DLGAP1: variants seen among roughly 807,000 people sequenced by gnomAD.
DLGAP1 encodes the protein disks large-associated protein 1.
A neutral mutation model predicts 90.8 loss-of-function variants in DLGAP1; 11 were observed. The ratio of observed to expected loss-of-function variants is 0.12; its 90% CI spans 0.08 to 0.20. The LOEUF (loss-of-function observed/expected upper bound fraction) is 0.20, where lower values mean the gene tolerates loss of function less well. Ranked by LOEUF, DLGAP1 falls within the 10% of genes least tolerant of loss-of-function variation. The pLI is 1.00. For missense variants in DLGAP1, 1,050 were observed against 1,333.8 expected (o/e 0.79, Z 3.31); for synonymous variants, 558 against 540.7 (o/e 1.03, Z -0.44).
At chr18:3,818,538 C>T (rs558927678) in intron 4 of DLGAP1, among the ~76,000 whole-genome samples, 13 of 151,304 alleles carry the variant, frequency 8.6e-5, no homozygotes, top group African/African-American at 3.2e-4. Flanking sequence ...TTTTGTATTG[C>T]TAGTAGAGAC....
chr18:4,092,890 C>T (rs1280612310), intron 2 of DLGAP1, among the ~76,000 whole-genome samples: 12 of 152,208 alleles, frequency 7.9e-5, no homozygotes, highest in Admixed American at 7.2e-4. Context: ...CTAGCCTACA[C>T]TTGGCCTTTA....
intron 1 of DLGAP1, among the ~76,000 whole-genome samples, chr18:4,451,130 C>T (rs280984): frequency 0.32 from 48,895 of 152,028 alleles, 8,343 homozygotes; most frequent in South Asian, 0.42. Flanking sequence ...CTGTTTCTCA[C>T]TTATACAACA....
chr18:3,538,649 G>A (rs2052519090), intron 9 of DLGAP1, among the ~76,000 whole-genome samples: 1 of 152,186 alleles, frequency 6.6e-6, no homozygotes, highest in Admixed American at 6.5e-5. Flanking sequence ...CATTTTGGCT[G>A]TTCTGCTAAC....
rs547668273 is a variant in DLGAP1, at chr18:3,723,567, G to T, written c.1591+5568C>A. Among the ~76,000 whole-genome samples, 3 of 152,166 alleles carry T rather than the reference G, an allele frequency of 2.0e-5. No homozygotes were observed. The East Asian group carries it at 5.8e-4, about 29-fold the overall frequency. On this transcript the variant is annotated intron_variant, in intron 7 of 12. Transcript: ENST00000315677. ...GCTTAGGGTTTAGGGTTTGTGTGGG[G>T]GGGGAGTGGGGAGCAAGGTGTGTGG... is the stretch of plus-strand genomic sequence containing the variant.
At chr18:3,536,858 C>T (rs1325019260) in intron 9 of DLGAP1, among the ~76,000 whole-genome samples, 2 of 152,038 alleles carry the variant, frequency 1.3e-5, no homozygotes, top group East Asian at 1.9e-4. Flanking sequence ...AGGGGAGAGA[C>T]ACGAGGAGAG....
chr18:4,291,626 T>C (rs1003055015), intron 1 of DLGAP1, among the ~76,000 whole-genome samples: 3 of 152,128 alleles, frequency 2.0e-5, no homozygotes, highest in African/African-American at 7.2e-5. Context: ...GTAGGTCTCA[T>C]TTATGACAAT....
At chr18:4,433,224 G>A (rs1276529020) in intron 1 of DLGAP1, among the ~76,000 whole-genome samples, 1 of 152,200 alleles carries the variant, frequency 6.6e-6, no homozygotes, top group Admixed American at 6.5e-5. Context: ...CTGGGGCTAA[G>A]TCATTTAATT....
intron 3 of DLGAP1, among the ~76,000 whole-genome samples, chr18:3,943,397 GT>G (rs2072810060): frequency 6.7e-6 from 1 of 148,690 alleles, no homozygotes; most frequent in Non-Finnish European, 1.5e-5. Context: ...TCATGTCAAG[GT>G]TTTTAAGGTG....
chr18:4,324,037 A>G (rs1252640164), intron 1 of DLGAP1, among the ~76,000 whole-genome samples: 1 of 152,140 alleles, frequency 6.6e-6, no homozygotes, highest in Non-Finnish European at 1.5e-5. Context: ...AAACTGAAGG[A>G]AATTATGATT....
intron 2 of DLGAP1, among the ~76,000 whole-genome samples, chr18:4,039,365 T>C (rs1186860145): frequency 6.6e-6 from 1 of 152,126 alleles, no homozygotes; most frequent in Non-Finnish European, 1.5e-5. Context: ...ACAGCTGCCA[T>C]CCATCTCTGT....
chr18:4,040,469 C>T (rs2074957993), intron 2 of DLGAP1, among the ~76,000 whole-genome samples: 1 of 151,912 alleles, frequency 6.6e-6, no homozygotes, highest in Non-Finnish European at 1.5e-5. Flanking sequence ...CATAACAGGT[C>T]TAGGATGCAG....
intron 1 of DLGAP1, among the ~76,000 whole-genome samples, chr18:4,390,505 C>A (rs550940194): frequency 9.8e-5 from 15 of 152,310 alleles, no homozygotes; most frequent in African/African-American, 2.9e-4. Context: ...CCTAAAAATT[C>A]TCTGTGCCCA....
Position 3,875,028 on chromosome 18 carries a change from C to T in DLGAP1, c.957+4084G>A, listed in dbSNP as rs2070961309. Among the ~76,000 whole-genome samples the T allele has an allele frequency of 2.6e-5, 4 of 152,158 alleles. No individual in the cohort carries two copies. In the South Asian group the frequency reaches 8.3e-4, roughly 32 times the overall value. On this transcript the variant is annotated intron_variant, in intron 4 of 12. Transcript: ENST00000315677. Reference sequence around the variant, plus strand: ...ATTAAGCGAATTCTAAGTGATAATTCCGCAAAGAGAGAAGCAGAGCTTTGC... The same window carrying T: ...ATTAAGCGAATTCTAAGTGATAATTTCGCAAAGAGAGAAGCAGAGCTTTGC...
intron 7 of DLGAP1, among the ~76,000 whole-genome samples, chr18:3,635,282 C>A (rs371722917): frequency 3.6e-4 from 55 of 152,166 alleles, no homozygotes; most frequent in African/African-American, 1.3e-3. Context: ...AGGCGCCCGC[C>A]ACCACGCCCG....
chr18:3,561,279 AC>A (rs1247676946), intron 9 of DLGAP1, among the ~76,000 whole-genome samples: 1,298 of 97,732 alleles, frequency 0.013, 16 homozygotes, highest in South Asian at 0.038. Context: ...AAAAAAAAAA[AC>A]AAACAAAAAA....
intron 7 of DLGAP1, among the ~76,000 whole-genome samples, chr18:3,712,628 T>C (rs924974892): frequency 1.3e-5 from 2 of 152,158 alleles, no homozygotes; most frequent in African/African-American, 4.8e-5. Context: ...GTGCGTGAAA[T>C]GGCAGTGGTG....
intron 3 of DLGAP1, among the ~76,000 whole-genome samples, chr18:3,936,126 T>C (rs1236315321): frequency 6.6e-6 from 1 of 152,186 alleles, no homozygotes; most frequent in Non-Finnish European, 1.5e-5. Context: ...CAGAGACTTA[T>C]CTGCCACATC....
At chr18:3,792,135 G>A (rs921418476) in intron 5 of DLGAP1, among the ~76,000 whole-genome samples, 2 of 152,070 alleles carry the variant, frequency 1.3e-5, no homozygotes, top group South Asian at 4.1e-4. Context: ...GTGTACTCAC[G>A]GGCCTGCAGG....
chr18:4,300,089 T>C (rs1482468898), intron 1 of DLGAP1, among the ~76,000 whole-genome samples: 2 of 152,214 alleles, frequency 1.3e-5, no homozygotes, highest in Non-Finnish European at 2.9e-5. Context: ...AAATAGTGTG[T>C]CCTTTTTATA....
Sources: gnomAD v4.1 joint callset for allele counts (sites outside exome capture counted in the v4.1 genomes callset) on GRCh38, gnomAD v4.1.1 for gene constraint, MANE v1.5 for transcripts, NCBI Gene and HGNC (gene_info 2026-07-23, HGNC 2026-07-21) for gene names.